COX7A2L: variants seen among roughly 807,000 people sequenced by gnomAD.
COX7A2L encodes cytochrome c oxidase subunit 7A2-like, mitochondrial.
In COX7A2L, 18 loss-of-function variants were observed where a neutral mutation model predicts 14.2. The ratio of observed to expected loss-of-function variants is 1.27; its 90% CI spans 0.88 to 1.88. The LOEUF is 1.88. Ranked by LOEUF, COX7A2L falls within the 40% of genes most tolerant of loss-of-function variation. The pLI, the probability that COX7A2L is intolerant of heterozygous loss-of-function variation, is 0.00. For missense variants in COX7A2L, 179 were observed against 138.8 expected, an observed-to-expected ratio of 1.29 and a Z score of -1.46; for synonymous variants, 65 against 57.4, an observed-to-expected ratio of 1.13 and a Z score of -0.60.
At chr2:42,360,143 G>A (rs1261782288) in intron 1 of COX7A2L, 1 of 152,314 alleles carries the variant, frequency 6.6e-6, no homozygotes, top group Non-Finnish European at 1.5e-5. Context: ...CACTACTGCA[G>A]TCTAACTGCG....
chr2:42,366,419 G>C (rs1245072153), intron 1 of COX7A2L, among the ~76,000 whole-genome samples: 2 of 152,158 alleles, frequency 1.3e-5, no homozygotes, highest in Admixed American at 6.5e-5. Context: ...ATGAGACCCT[G>C]TCTCAAAAAA....
intron 1 of COX7A2L, among the ~76,000 whole-genome samples, chr2:42,366,746 G>A (rs1355131420): frequency 6.6e-6 from 1 of 152,210 alleles, no homozygotes; most frequent in Non-Finnish European, 1.5e-5. Flanking sequence ...TCTAGTCTAT[G>A]TTTGTATAAA....
chr2:42,342,573 G>C lies in COX7A2L; in HGVS notation c.193-8704C>G, dbSNP rs976987036. Among the ~76,000 whole-genome samples the C allele has an allele frequency of 6.6e-6, 1 of 152,134 alleles. No homozygotes were observed. The highest frequency in any genetic ancestry group is 2.4e-5 in the African/African-American group (1 of 41,426). On this transcript the variant is annotated intron_variant, in intron 2 of 2. Transcript: ENST00000468711. The surrounding 1 kb of genome is among the most constrained non-coding windows in gnomAD (Gnocchi z 4.9). ...CATTTCTCACAGCCTGGGGCAGCTT[G>C]GAATGTGATATTTGGAGTCAGCAAA...
At chr2:42,357,197 A>G (rs1441848474) in intron 1 of COX7A2L, among the ~76,000 whole-genome samples, 1 of 152,202 alleles carries the variant, frequency 6.6e-6, no homozygotes, top group Non-Finnish European at 1.5e-5. Flanking sequence ...GGTGGAGAGA[A>G]AAGAGGATCC....
upstream of COX7A2L, among the ~76,000 whole-genome samples, chr2:42,365,106 C>A (rs1222500255): frequency 6.6e-6 from 1 of 152,094 alleles, no homozygotes; most frequent in Non-Finnish European, 1.5e-5. Flanking sequence ...AAGTTGAGAT[C>A]CAAAACCAGA....
In COX7A2L at chr2:42,351,375, T is replaced by C; in HGVS notation, c.205-16A>G. ...CATCAGCTTTCTTGAAAGCAAGAATTAACAAGGGCATGGTTGAGAAGAAAA... is the reference window on the plus strand; with the variant it reads ...CATCAGCTTTCTTGAAAGCAAGAATCAACAAGGGCATGGTTGAGAAGAAAA... On this transcript the variant is annotated splice_polypyrimidine_tract_variant and intron_variant, in intron 2 of 2. Coordinates refer to ENST00000234301, the MANE Select transcript of COX7A2L (RefSeq NM_004718.4). 6.2e-7 allele frequency: 1 copy of C among 1,611,832 alleles called. No individual in the cohort carries two copies. The highest frequency in any genetic ancestry group is 8.5e-7 in the Non-Finnish European group (1 of 1,179,332).
downstream of COX7A2L, among the ~76,000 whole-genome samples, chr2:42,347,694 C>A (rs970471607): frequency 2.0e-5 from 3 of 152,102 alleles, no homozygotes; most frequent in African/African-American, 7.2e-5. Context: ...GGCCAAGGCA[C>A]GTGGATCACC....
downstream of COX7A2L, chr2:42,349,271 A>G (rs913202163): frequency 5.3e-5 from 8 of 152,240 alleles, no homozygotes; most frequent in African/African-American, 1.7e-4. Flanking sequence ...TACTATTCAG[A>G]TAATAGAGTA....
chr2:42,353,118 T>C lies in COX7A2L; in HGVS notation c.204+94A>G. ...ACTACTTAAAGAAAAAGAAGGAGGG[T>C]GGGTAGTAAACTAGATTAAGATTTA... On this transcript the variant is annotated intron_variant, in intron 2 of 2. Coordinates refer to ENST00000234301, the MANE Select transcript of COX7A2L (RefSeq NM_004718.4). The C allele has an allele frequency of 2.1e-6, 3 of 1,426,128 alleles. No homozygotes were observed. The South Asian group carries it at 3.9e-5, about 18-fold the overall frequency. The allele number at this position is 1,426,128 out of a possible 1,614,324, so 88.3% of individuals were successfully genotyped here. A position where few individuals can be genotyped will look rare whatever the true frequency, so the allele number is the denominator to read the frequency against.
chr2:42,361,244 A>G, upstream of COX7A2L: 5 of 1,347,484 alleles, frequency 3.7e-6, no homozygotes, highest in South Asian at 3.9e-5. Flanking sequence ...TGTGGTCCCG[A>G]GACTCAGCGC....
At chr2:42,361,325 TG>T (rs2103914813), upstream of COX7A2L, 1 of 625,344 alleles carries the variant, frequency 1.6e-6, no homozygotes, top group African/African-American at 1.9e-5. Context: ...TAAGCCGCAT[TG>T]GGGAACCAAA....
chr2:42,348,381 C>T (rs1333822947), downstream of COX7A2L, among the ~76,000 whole-genome samples: 1 of 152,166 alleles, frequency 6.6e-6, no homozygotes, highest in African/African-American at 2.4e-5. Flanking sequence ...AGAAATCCGG[C>T]AGACACAACT....
chr2:42,353,602 C>T (rs1228800317), intron 1 of COX7A2L, among the ~76,000 whole-genome samples: 3 of 152,168 alleles, frequency 2.0e-5, no homozygotes, highest in Non-Finnish European at 2.9e-5. Context: ...CATTTATAAT[C>T]TGTTACGAAC....
intron 2 of COX7A2L, among the ~76,000 whole-genome samples, chr2:42,341,331 C>T (rs551321769): frequency 1.3e-5 from 2 of 152,258 alleles, no homozygotes; most frequent in East Asian, 1.9e-4. Flanking sequence ...CAGGTCATGG[C>T]GTCGCAGGGG....
chr2:42,341,435 G>C (rs1250535192), intron 2 of COX7A2L, among the ~76,000 whole-genome samples: 2 of 152,188 alleles, frequency 1.3e-5, no homozygotes, highest in African/African-American at 4.8e-5. Context: ...GCCTGGGCTG[G>C]GCGGCCTACC....
intron 1 of COX7A2L, among the ~76,000 whole-genome samples, chr2:42,358,026 T>C (rs1238566188): frequency 6.6e-6 from 1 of 152,202 alleles, no homozygotes; most frequent in Non-Finnish European, 1.5e-5. Context: ...AATTCCTAGA[T>C]CACACAGTAA....
chr2:42,344,738 C>CTA (rs1670462285), downstream of COX7A2L, among the ~76,000 whole-genome samples: 1 of 151,998 alleles, frequency 6.6e-6, no homozygotes, highest in South Asian at 2.1e-4. Context: ...GTAGTCCTAG[C>CTA]TACTCAGGAG....
intron 2 of COX7A2L, among the ~76,000 whole-genome samples, chr2:42,351,829 C>T (rs1300710929): frequency 6.6e-6 from 1 of 152,074 alleles, no homozygotes; most frequent in African/African-American, 2.4e-5. Flanking sequence ...TAAAATTAGC[C>T]AGGTGTGGTG....
At chr2:42,367,688 C>T (rs1451626651) in intron 1 of COX7A2L, among the ~76,000 whole-genome samples, 1 of 152,230 alleles carries the variant, frequency 6.6e-6, no homozygotes, top group Non-Finnish European at 1.5e-5. Context: ...GCTGTGCCCT[C>T]CACTGACCAC....
Sources: allele counts gnomAD v4.1 joint callset (sites outside exome capture counted in the v4.1 genomes callset), GRCh38; gene constraint gnomAD v4.1.1; non-coding constraint Gnocchi (gnomAD v3.1); transcripts MANE v1.5; gene names NCBI Gene and HGNC (gene_info 2026-07-23, HGNC 2026-07-21).